COL24A1: variants seen among roughly 807,000 people sequenced by gnomAD.
The protein encoded by COL24A1 is collagen type XXIV alpha 1 chain, also known as collagen alpha-1(XXIV) chain.
In COL24A1, 224 loss-of-function variants were observed where a neutral mutation model predicts 253.9. The observed-to-expected ratio is 0.88, with a 90% CI of 0.79 to 0.99. The LOEUF is 0.99. Ranked by LOEUF, COL24A1 falls within the 50% of genes least tolerant of loss-of-function variation. COL24A1 has a pLI of 0.00. For synonymous variants in COL24A1, 685 were observed against 673.7 expected, an observed-to-expected ratio of 1.02 and a Z score of -0.26; for missense variants, 2,131 against 2,068.5, an observed-to-expected ratio of 1.03 and a Z score of -0.59.
At chr1:86,104,068 G>A (rs1704714837) in intron 5 of COL24A1, among the ~76,000 whole-genome samples, 1 of 152,086 alleles carries the variant, frequency 6.6e-6, no homozygotes, top group African/African-American at 2.4e-5. Context: ...TTTCTCAGGG[G>A]TTTTGTTCAT....
At chr1:85,733,305 G>A (rs562644367) in intron 59 of COL24A1, among the ~76,000 whole-genome samples, 1 of 152,210 alleles carries the variant, frequency 6.6e-6, no homozygotes, top group African/African-American at 2.4e-5. Flanking sequence ...TTCTCTAAAA[G>A]AGGGGTCGGC....
chr1:86,153,971 T>C (rs1486928088), intron 1 of COL24A1: 2 of 152,260 alleles, frequency 1.3e-5, no homozygotes, highest in Admixed American at 6.5e-5. Flanking sequence ...ACTTTTAAAC[T>C]GGAACTGTTT....
At chr1:86,128,849 T>C (rs1162163858) in intron 2 of COL24A1, among the ~76,000 whole-genome samples, 1 of 151,952 alleles carries the variant, frequency 6.6e-6, no homozygotes, top group Non-Finnish European at 1.5e-5. Flanking sequence ...GTTATTCTTT[T>C]GGTATCTCAC....
rs67610324 is a variant in COL24A1, at chr1:85,824,903, T to TTTATTA, written c.3682-1171_3682-1166dup. 4.4e-3 allele frequency among the ~76,000 whole-genome samples: 632 copies of TTTATTA among 144,842 alleles called. 1 individual carries two copies. The highest frequency in any genetic ancestry group is 7.6e-3 in the African/African-American group (303 of 39,614). On this transcript the variant is annotated intron_variant, in intron 43 of 59. Transcript: ENST00000370571. Reference sequence around the variant, plus strand: ...TACATAGGCTAACAATATTTATTCTTTTATTATTATTATTATTATTATTAT... The same window carrying TTTATTA: ...TACATAGGCTAACAATATTTATTCTTTTATTATTATTATTATTATTATTATTATTAT...
intron 14 of COL24A1, among the ~76,000 whole-genome samples, chr1:86,025,393 TA>T (rs1203296383): frequency 6.6e-6 from 1 of 152,110 alleles, no homozygotes; most frequent in African/African-American, 2.4e-5. Context: ...TTATTTGTAT[TA>T]AAAAGAGCAG....
intron 37 of COL24A1, among the ~76,000 whole-genome samples, chr1:85,855,145 A>G (rs958040361): frequency 5.9e-5 from 9 of 152,114 alleles, no homozygotes; most frequent in African/African-American, 2.2e-4. Flanking sequence ...CAGAGACTAT[A>G]GGGTTTTCTA....
intron 24 of COL24A1, among the ~76,000 whole-genome samples, chr1:85,953,823 T>A (rs573353112): frequency 2.6e-5 from 4 of 152,300 alleles, no homozygotes; most frequent in East Asian, 1.9e-4. Context: ...ATGTGATTTT[T>A]AAAAAATAAT....
At chr1:85,826,389 GA>G (rs538261679) in intron 43 of COL24A1, among the ~76,000 whole-genome samples, 1,626 of 138,894 alleles carry the variant, frequency 0.012, 38 homozygotes, top group African/African-American at 0.041. Flanking sequence ...TTTGGCTTAG[GA>G]TTGACTTGGC....
intron 46 of COL24A1, 150 bp downstream of exon 46, chr1:85,817,884 C>T (rs182375095): frequency 1.2e-4 from 78 of 653,882 alleles, no homozygotes; most frequent in African/African-American, 1.1e-3. Context: ...ATATTTTGTT[C>T]CCTCTGTGTT....
intron 47 of COL24A1, among the ~76,000 whole-genome samples, chr1:85,792,860 G>A (rs1317361191): frequency 6.6e-6 from 1 of 152,066 alleles, no homozygotes; most frequent in Non-Finnish European, 1.5e-5. Flanking sequence ...TCTGAGGAGG[G>A]GAAGTTACCT....
At chr1:85,736,214 T>C in intron 58 of COL24A1, 1 of 436,744 alleles carries the variant, frequency 2.3e-6, no homozygotes, top group Non-Finnish European at 4.6e-6. Flanking sequence ...GTTCATAGAA[T>C]AGAGACTAGA....
At chr1:86,034,687 C>T (rs1389615121) in intron 12 of COL24A1, among the ~76,000 whole-genome samples, 2 of 152,060 alleles carry the variant, frequency 1.3e-5, no homozygotes, top group African/African-American at 4.8e-5. Context: ...TTAAAAGCTT[C>T]CCAAATGCCT....
At chr1:85,891,272 A>G (rs1396133517) in intron 31 of COL24A1, among the ~76,000 whole-genome samples, 2 of 148,622 alleles carry the variant, frequency 1.3e-5, no homozygotes, top group Non-Finnish European at 1.5e-5. Flanking sequence ...CACCGTGTTA[A>G]CCAGGATGGT....
At chr1:85,895,750 A>G in intron 31 of COL24A1, 108 bp downstream of exon 31, 1 of 839,390 alleles carries the variant, frequency 1.2e-6, no homozygotes, top group Non-Finnish European at 1.9e-6. Flanking sequence ...CTGCAAATAT[A>G]TATAATTTTT....
At chr1:85,938,529 G>A (rs55890217) in intron 24 of COL24A1, among the ~76,000 whole-genome samples, 1 of 146,338 alleles carries the variant, frequency 6.8e-6, no homozygotes, top group South Asian at 2.5e-4. Context: ...GCAGTGCTAG[G>A]GGCTGTAATT....
intron 1 of COL24A1, chr1:86,154,105 CATT>C (rs1653146778): frequency 1.3e-5 from 2 of 152,280 alleles, no homozygotes; most frequent in African/African-American, 4.8e-5. Context: ...AGTGGCCTGA[CATT>C]ATAAATCAGC....
At chr1:85,968,272 G>A (rs1355313643) in intron 22 of COL24A1, among the ~76,000 whole-genome samples, 3 of 152,006 alleles carry the variant, frequency 2.0e-5, no homozygotes, top group Admixed American at 6.6e-5. Flanking sequence ...AAGTGGTAAC[G>A]CTCACTCCCA....
chr1:86,007,072 G>A (rs1696033267), intron 19 of COL24A1, among the ~76,000 whole-genome samples: 2 of 151,938 alleles, frequency 1.3e-5, no homozygotes, highest in South Asian at 2.1e-4. Context: ...AATAATAGCT[G>A]GGCACAGTGG....
chr1:86,127,831 C>A (rs1648554336), intron 2 of COL24A1, among the ~76,000 whole-genome samples: 1 of 151,998 alleles, frequency 6.6e-6, no homozygotes, highest in Non-Finnish European at 1.5e-5. Flanking sequence ...CAACTGTGTA[C>A]AACAATGAAA....
Sources: gnomAD v4.1 joint callset for allele counts (sites outside exome capture counted in the v4.1 genomes callset) on GRCh38, gnomAD v4.1.1 for gene constraint, MANE v1.5 for transcripts, NCBI Gene and HGNC (gene_info 2026-07-23, HGNC 2026-07-21) for gene names.